Variants in STXBP5L observed in about 807,000 individuals in gnomAD.
STXBP5L encodes syntaxin binding protein 5L, also known as syntaxin-binding protein 5-like.
In STXBP5L, 65 loss-of-function variants were observed where a neutral mutation model predicts 144.5. The ratio of observed to expected loss-of-function variants is 0.45; its 90% CI spans 0.37 to 0.55. The LOEUF is 0.55. STXBP5L is among the 20% of genes least tolerant of loss of function. The pLI is 0.00. For missense variants in STXBP5L, 1,298 were observed against 1,405.5 expected (o/e 0.92, Z 1.22); for synonymous variants, 505 against 469.6 (o/e 1.08, Z -0.97).
chr3:121,258,308 A>G (rs1166892998), intron 17 of STXBP5L, among the ~76,000 whole-genome samples: 4 of 152,226 alleles, frequency 2.6e-5, no homozygotes, highest in Non-Finnish European at 5.9e-5. Context: ...TTTGCCACTC[A>G]AAAAACTTTA....
intron 9 of STXBP5L, among the ~76,000 whole-genome samples, chr3:121,195,077 A>G (rs2047866415): frequency 6.6e-6 from 1 of 151,744 alleles, no homozygotes; most frequent in African/African-American, 2.4e-5. Flanking sequence ...CACCATGCCC[A>G]GCTAATTTTT....
intron 18 of STXBP5L, among the ~76,000 whole-genome samples, chr3:121,267,749 T>C (rs1429792563): frequency 6.6e-6 from 1 of 152,062 alleles, no homozygotes; most frequent in Non-Finnish European, 1.5e-5. Context: ...TGGCAAACGA[T>C]AGGAACAGAC....
chr3:121,343,446 G>A (rs1282978963), intron 20 of STXBP5L, among the ~76,000 whole-genome samples: 2 of 152,118 alleles, frequency 1.3e-5, no homozygotes, highest in African/African-American at 2.4e-5. Context: ...TCGGAAAAGA[G>A]GAAGTCAAAT....
chr3:121,273,865 C>T (rs73191461), intron 18 of STXBP5L, among the ~76,000 whole-genome samples: 19,088 of 151,978 alleles, frequency 0.13, 1,571 homozygotes, highest in Non-Finnish European at 0.19. Context: ...ATTCTTTTAG[C>T]TCCAGAATTT....
intron 7 of STXBP5L, among the ~76,000 whole-genome samples, chr3:121,127,914 T>C (rs2044787136): frequency 6.6e-6 from 1 of 151,842 alleles, no homozygotes; most frequent in Admixed American, 6.6e-5. Flanking sequence ...CCTAAAATAA[T>C]TTCCTCGTAT....
At chr3:121,318,796 A>G (rs959562105) in intron 20 of STXBP5L, among the ~76,000 whole-genome samples, 2 of 152,198 alleles carry the variant, frequency 1.3e-5, no homozygotes, top group African/African-American at 4.8e-5. Flanking sequence ...AAGGAAAGTT[A>G]TTTTGCAGAT....
At chr3:121,033,746 G>A (rs1946550684) in intron 3 of STXBP5L, among the ~76,000 whole-genome samples, 1 of 151,512 alleles carries the variant, frequency 6.6e-6, no homozygotes. Context: ...TTTAATAATT[G>A]AAAGATAAAT....
rs1178636225 is a variant in STXBP5L, at chr3:121,420,825, G to A, written c.*1728G>A. 6.6e-6 allele frequency: 1 copy of A among 151,970 alleles called. No individual in the cohort carries two copies. Among genetic ancestry groups the A allele is most frequent in the Non-Finnish European group, 1.5e-5 (1 of 67,962 alleles). The allele number at this position is 151,970 out of a possible 1,614,324, so 9.4% of individuals were successfully genotyped here. A position where few individuals can be genotyped will look rare whatever the true frequency, so the allele number is the denominator to read the frequency against. On this transcript the variant is annotated 3_prime_UTR_variant, in exon 27 of 27. Coordinates refer to ENST00000471454, the MANE Select transcript of STXBP5L (RefSeq NM_001308330.2). Reference sequence around the variant, plus strand: ...TTTTTAGTCTAATTTTTTGCTAGAAGTTGTACTTTCTAGCAAATGTTTCTA... The same window carrying A: ...TTTTTAGTCTAATTTTTTGCTAGAAATTGTACTTTCTAGCAAATGTTTCTA...
chr3:120,977,455 G>T (rs897073377), intron 3 of STXBP5L, among the ~76,000 whole-genome samples: 2 of 152,086 alleles, frequency 1.3e-5, no homozygotes, highest in Non-Finnish European at 2.9e-5. Context: ...CGTGAGATGG[G>T]TTTCCTGAAT....
At chr3:120,909,948 G>A (rs558634309) in intron 2 of STXBP5L, among the ~76,000 whole-genome samples, 181 bp downstream of exon 2, 1 of 152,308 alleles carries the variant, frequency 6.6e-6, no homozygotes, top group Admixed American at 6.5e-5. Flanking sequence ...AACTTAAAAA[G>A]CAATGATAGT....
In STXBP5L at chr3:121,337,753, T is replaced by C. The variant is rs557385509; in HGVS notation, c.2176+19213T>C. Among the ~76,000 whole-genome samples the C allele has an allele frequency of 1.3e-3, 191 of 152,246 alleles. 1 individual carries two copies. The highest frequency in any genetic ancestry group is 2.4e-3 in the Non-Finnish European group (163 of 67,996). ...CATTTTACTCAAGAGCTTCAGAATATACATTATTTTCCTCAGCACATGGAA... is the reference window on the plus strand; with the variant it reads ...CATTTTACTCAAGAGCTTCAGAATACACATTATTTTCCTCAGCACATGGAA... On this transcript the variant is annotated intron_variant, in intron 20 of 26. Coordinates refer to ENST00000471454, the MANE Select transcript of STXBP5L (RefSeq NM_001308330.2).
At chr3:120,998,567 A>G (rs2108022524) in intron 3 of STXBP5L, among the ~76,000 whole-genome samples, 1 of 152,144 alleles carries the variant, frequency 6.6e-6, no homozygotes, top group African/African-American at 2.4e-5. Flanking sequence ...AGTGTGTGAT[A>G]TTCCCCTGCC....
At chr3:121,190,040 G>GT (rs1465546638) in intron 9 of STXBP5L, among the ~76,000 whole-genome samples, 3 of 151,188 alleles carry the variant, frequency 2.0e-5, no homozygotes, top group Admixed American at 6.6e-5. Flanking sequence ...ATAAGCTTTG[G>GT]TTTTTTGTCC....
At chr3:121,137,439 T>C (rs2045311573) in intron 7 of STXBP5L, among the ~76,000 whole-genome samples, 1 of 151,868 alleles carries the variant, frequency 6.6e-6, no homozygotes, top group Admixed American at 6.6e-5. Flanking sequence ...CTAGAAGAAA[T>C]AGATAAATAC....
At chr3:121,156,374 ATCT>A (rs1377983393) in intron 8 of STXBP5L, among the ~76,000 whole-genome samples, 1 of 151,946 alleles carries the variant, frequency 6.6e-6, no homozygotes, top group African/African-American at 2.4e-5. Context: ...ACTTATATTA[ATCT>A]TCTCTCTCTT....
chr3:121,018,523 C>CAAAAA (rs139946627), intron 3 of STXBP5L, among the ~76,000 whole-genome samples: 1 of 101,938 alleles, frequency 9.8e-6, no homozygotes, highest in African/African-American at 3.7e-5. Flanking sequence ...ATCCATATAC[C>CAAAAA]AAAAAAAAAA....
At chr3:121,064,361 G>A (rs181647241) in intron 5 of STXBP5L, among the ~76,000 whole-genome samples, 2 of 152,346 alleles carry the variant, frequency 1.3e-5, no homozygotes, top group Non-Finnish European at 2.9e-5. Context: ...ATGCAGAAAT[G>A]ACTCACCTTC....
rs796606615 is a variant in STXBP5L, at chr3:121,107,091, G to GT, written c.471-7824dup. 1.9e-3 allele frequency among the ~76,000 whole-genome samples: 280 copies of GT among 147,136 alleles called. 1 individual carries two copies. The highest frequency in any genetic ancestry group is 4.5e-3 in the South Asian group (21 of 4,644). ...TTGCCCACTTTTTAATGGATTCTTT[G>GT]TTTTTTTTTTCTTGTAAATTTGTTT... On this transcript the variant is annotated intron_variant, in intron 5 of 26. Transcript: ENST00000471454.
chr3:120,941,343 T>A (rs1032283826), intron 2 of STXBP5L, among the ~76,000 whole-genome samples: 1 of 151,698 alleles, frequency 6.6e-6, no homozygotes, highest in Non-Finnish European at 1.5e-5. Flanking sequence ...GCATAACATA[T>A]TGGCAATTAT....
Sources: allele counts gnomAD v4.1 joint callset (sites outside exome capture counted in the v4.1 genomes callset), GRCh38; gene constraint gnomAD v4.1.1; transcripts MANE v1.5; gene names NCBI Gene and HGNC (gene_info 2026-07-23, HGNC 2026-07-21).